The following SLC44A5 variants were observed in gnomAD, a reference collection of about 807,000 sequenced individuals.
SLC44A5 encodes the protein solute carrier family 44 member 5, also known as choline transporter-like protein 5.
SLC44A5 carries 57 observed loss-of-function variants against 101.8 expected under a neutral mutation model. The ratio of observed to expected loss-of-function variants is 0.56; its 90% CI spans 0.45 to 0.70. The LOEUF is 0.70. Ranked by LOEUF, SLC44A5 falls within the 30% of genes least tolerant of loss-of-function variation. The probability of loss-of-function intolerance (pLI) is 0.00; values close to 1 mark genes in which losing one functional copy is unlikely to be tolerated. For synonymous variants in SLC44A5, 281 were observed against 290.9 expected, an observed-to-expected ratio of 0.97 and a Z score of 0.35; for missense variants, 737 against 853.1, an observed-to-expected ratio of 0.86 and a Z score of 1.70.
chr1:75,551,196 T>G (rs2101980618), intron 1 of SLC44A5, among the ~76,000 whole-genome samples: 1 of 152,160 alleles, frequency 6.6e-6, no homozygotes, highest in African/African-American at 2.4e-5. Flanking sequence ...TTGAATGAAG[T>G]TTCAAGCCCT....
chr1:75,690,330 C>A, the SLC44A5 span, among the ~76,000 whole-genome samples: 1 of 152,018 alleles, frequency 6.6e-6, no homozygotes, highest in Non-Finnish European at 1.5e-5. Flanking sequence ...AGAACTCCCC[C>A]CAATATCACA....
chr1:75,342,913 T>C (rs1051793605), intron 3 of SLC44A5, among the ~76,000 whole-genome samples: 5 of 152,202 alleles, frequency 3.3e-5, no homozygotes, highest in African/African-American at 1.2e-4. Flanking sequence ...TGTATAGTAA[T>C]GACAGCTGGA....
Position 75,213,759 on chromosome 1 carries a change from C to A in SLC44A5, c.1908G>T (p.Leu636=). Residue 636 remains leucine (L), a synonymous_variant, in exon 22 of 24, where the codon CTG becomes CTT. Transcript: ENST00000370859. Reference sequence around the variant, plus strand: ...ATGCTGGTCCTTGTGCAATCACTGGCAGTCTTTGTGTGAAGAATAGGAAGG... The same window carrying A: ...ATGCTGGTCCTTGTGCAATCACTGGAAGTCTTTGTGTGAAGAATAGGAAGG... ...VLAFLFFTQR[L]PVIAQGPASL... 6.2e-7 allele frequency: 1 copy of A among 1,613,078 alleles called. No individual in the cohort carries two copies. The highest frequency in any genetic ancestry group is 1.1e-5 in the South Asian group (1 of 91,064).
intron 2 of SLC44A5, among the ~76,000 whole-genome samples, chr1:75,509,431 G>T (rs140099986): frequency 6.6e-6 from 1 of 152,124 alleles, no homozygotes; most frequent in Non-Finnish European, 1.5e-5. Context: ...AACTTTGATC[G>T]GAAAGGCTTT....
At chr1:75,243,171 CTTTTT>C (rs1413751223) in intron 7 of SLC44A5, among the ~76,000 whole-genome samples, 160 bp from the exon 8 acceptor site, 3 of 152,010 alleles carry the variant, frequency 2.0e-5, no homozygotes, top group Non-Finnish European at 2.9e-5. Context: ...CTTTTTCTTT[CTTTTT>C]TATTTTTTTA....
At chr1:75,468,917 T>A (rs1173726514) in intron 2 of SLC44A5, among the ~76,000 whole-genome samples, 1 of 152,162 alleles carries the variant, frequency 6.6e-6, no homozygotes, top group Non-Finnish European at 1.5e-5. Flanking sequence ...CATACCTGCA[T>A]CAAAATATCT....
the SLC44A5 span, among the ~76,000 whole-genome samples, chr1:75,651,866 C>T: frequency 2.6e-5 from 4 of 151,988 alleles, no homozygotes; most frequent in Middle Eastern, 3.2e-3. Context: ...GAACGTCAGG[C>T]GACCATCAGG....
intron 1 of SLC44A5, among the ~76,000 whole-genome samples, chr1:75,561,563 C>G (rs1672519946): frequency 1.3e-5 from 2 of 152,220 alleles, no homozygotes; most frequent in Admixed American, 1.3e-4. Context: ...TCAATAAACA[C>G]TGAATGCATT....
intron 3 of SLC44A5, among the ~76,000 whole-genome samples, chr1:75,351,056 G>T (rs1004515428): frequency 2.7e-5 from 4 of 149,842 alleles, no homozygotes; most frequent in Admixed American, 6.6e-5. Flanking sequence ...AAGTAATTGT[G>T]GTTTTGCCAT....
chr1:75,536,678 A>C (rs1409007889), intron 2 of SLC44A5, among the ~76,000 whole-genome samples: 2 of 149,608 alleles, frequency 1.3e-5, no homozygotes, highest in East Asian at 3.9e-4. Context: ...ATAAATAATT[A>C]TTATTTTCTT....
At chr1:75,465,376 A>T (rs1279867617) in intron 2 of SLC44A5, among the ~76,000 whole-genome samples, 1 of 152,118 alleles carries the variant, frequency 6.6e-6, no homozygotes, top group African/African-American at 2.4e-5. Flanking sequence ...TGGAAACAAC[A>T]TGCCAAAACC....
At chr1:75,446,831 T>C (rs1665610692) in intron 2 of SLC44A5, among the ~76,000 whole-genome samples, 1 of 152,200 alleles carries the variant, frequency 6.6e-6, no homozygotes, top group African/African-American at 2.4e-5. Flanking sequence ...CTCTAAAATC[T>C]GCTTGCTTCC....
At chr1:75,602,895 G>T (rs1409567324) in intron 1 of SLC44A5, among the ~76,000 whole-genome samples, 1 of 151,908 alleles carries the variant, frequency 6.6e-6, no homozygotes, top group Non-Finnish European at 1.5e-5. Flanking sequence ...AATAAGTTTT[G>T]ACTTTCCTGT....
intron 2 of SLC44A5, among the ~76,000 whole-genome samples, chr1:75,484,254 C>A (rs1185269756): frequency 2.6e-5 from 4 of 152,148 alleles, no homozygotes; most frequent in African/African-American, 7.2e-5. Flanking sequence ...CCTGTAAAAT[C>A]AAAAACAAGT....
chr1:75,672,289 T>A, the SLC44A5 span, among the ~76,000 whole-genome samples: 1 of 152,062 alleles, frequency 6.6e-6, no homozygotes, highest in Non-Finnish European at 1.5e-5. Flanking sequence ...CTGTGTACTT[T>A]GGGGAGGGAA....
chr1:75,300,693 C>CA lies in SLC44A5; in HGVS notation c.102-9dup. ...AGAACATCTGTACAACTCCTAAAGACAAAAAAAGAAATAAATAATTAAAAG... is the reference window on the plus strand; with the variant it reads ...AGAACATCTGTACAACTCCTAAAGACAAAAAAAAGAAATAAATAATTAAAAG... On this transcript the variant is annotated splice_polypyrimidine_tract_variant and intron_variant, in intron 4 of 23. Transcript: ENST00000370859. The CA allele has an allele frequency of 8.4e-6, 13 of 1,552,334 alleles. No individual in the cohort carries two copies. The highest frequency in any genetic ancestry group is 5.1e-5 in the South Asian group (4 of 78,646).
chr1:75,221,929 G>A (rs609574), intron 14 of SLC44A5, among the ~76,000 whole-genome samples: 67,749 of 150,736 alleles, frequency 0.45, 16,157 homozygotes, highest in African/African-American at 0.6. Flanking sequence ...TTCCTGAATG[G>A]AAGATGCTTT....
chr1:75,211,612 T>C (rs1424618603), intron 22 of SLC44A5, 60 bp from the exon 23 acceptor site: 1 of 1,244,744 alleles, frequency 8.0e-7, no homozygotes, highest in Non-Finnish European at 1.2e-6. Flanking sequence ...AGAAGAATAA[T>C]GCAGCTATAA....
chr1:75,246,763 A>C (rs974113516), intron 7 of SLC44A5, among the ~76,000 whole-genome samples: 2 of 152,074 alleles, frequency 1.3e-5, no homozygotes, highest in Non-Finnish European at 2.9e-5. Flanking sequence ...ATGAGCAATC[A>C]AGACATACAG....
Sources: gnomAD v4.1 joint callset for allele counts (sites outside exome capture counted in the v4.1 genomes callset) on GRCh38, gnomAD v4.1.1 for gene constraint, MANE v1.5 for transcripts, NCBI Gene and HGNC (gene_info 2026-07-23, HGNC 2026-07-21) for gene names.